Variants in RILPL1 observed in about 807,000 individuals in gnomAD.
The protein encoded by RILPL1 is Rab interacting lysosomal protein like 1, also known as RILP-like protein 1.
RILPL1 carries 33 observed loss-of-function variants against 50.3 expected under a neutral mutation model. The observed-to-expected ratio is 0.66, with a 90% CI of 0.50 to 0.88. RILPL1 has a LOEUF of 0.88. RILPL1 is among the 40% of genes least tolerant of loss of function. RILPL1 has a pLI of 0.00. For missense variants in RILPL1, 418 were observed against 542.5 expected (o/e 0.77, Z 2.28); for synonymous variants, 205 against 228.6 (o/e 0.90, Z 0.93).
chr12:123,528,933 G>T (rs906380765), intron 1 of RILPL1, among the ~76,000 whole-genome samples: 1 of 152,038 alleles, frequency 6.6e-6, no homozygotes, highest in South Asian at 2.1e-4. Context: ...TCTCCTTCAC[G>T]TTCTTCCCTC....
intron 2 of RILPL1, among the ~76,000 whole-genome samples, chr12:123,514,934 T>C (rs1383820677): frequency 8.7e-6 from 1 of 114,788 alleles, no homozygotes; most frequent in Non-Finnish European, 1.6e-5. Context: ...ACATAAATAC[T>C]TTTTTTTTTT....
chr12:123,480,301 C>T (rs1250248757), intron 6 of RILPL1, among the ~76,000 whole-genome samples: 1 of 151,634 alleles, frequency 6.6e-6, no homozygotes, highest in East Asian at 1.9e-4. Context: ...GCTGGGATTA[C>T]AGGTGCCCAC....
At chr12:123,519,972 G>C (rs1884935715) in intron 2 of RILPL1, 1 of 152,328 alleles carries the variant, frequency 6.6e-6, no homozygotes, top group Non-Finnish European at 1.5e-5. Flanking sequence ...GATGCACAGG[G>C]AAGCGGCTCA....
At chr12:123,512,766 G>A (rs573359652) in intron 2 of RILPL1, among the ~76,000 whole-genome samples, 30 of 142,682 alleles carry the variant, frequency 2.1e-4, no homozygotes, top group Admixed American at 3.5e-4. Context: ...TGGTATGTGT[G>A]AGGTCTGTGT....
intron 1 of RILPL1, among the ~76,000 whole-genome samples, chr12:123,532,703 T>TGGGGGGGG (rs371925078): frequency 4.2e-5 from 1 of 23,628 alleles, no homozygotes. Flanking sequence ...CTGGGGAGAC[T>TGGGGGGGG]GGGGGGGGGG....
At chr12:123,530,219 G>A (rs545195587) in intron 1 of RILPL1, among the ~76,000 whole-genome samples, 50 of 152,260 alleles carry the variant, frequency 3.3e-4, no homozygotes, top group South Asian at 2.7e-3. Context: ...AGGCTGGAGT[G>A]CAATGGTGTG....
intron 2 of RILPL1, among the ~76,000 whole-genome samples, chr12:123,501,452 AAAC>A (rs994203805): frequency 2.0e-5 from 3 of 151,650 alleles, no homozygotes; most frequent in Non-Finnish European, 2.9e-5. Flanking sequence ...CAAAACAAAC[AAAC>A]AAACAAACAA....
intron 2 of RILPL1, among the ~76,000 whole-genome samples, chr12:123,499,891 C>T (rs184296309): frequency 1.6e-4 from 25 of 152,240 alleles, no homozygotes; most frequent in African/African-American, 5.5e-4. Flanking sequence ...TCCCCCACAC[C>T]TCATTCATTC....
At chr12:123,494,605 G>A (rs1280921443) in intron 4 of RILPL1, among the ~76,000 whole-genome samples, 1 of 152,158 alleles carries the variant, frequency 6.6e-6, no homozygotes, top group Non-Finnish European at 1.5e-5. Context: ...GCTCCCGTGG[G>A]GCCTGAAGGT....
chr12:123,500,358 T>C (rs968829184), intron 2 of RILPL1, among the ~76,000 whole-genome samples: 1 of 150,822 alleles, frequency 6.6e-6, no homozygotes, highest in African/African-American at 2.4e-5. Context: ...ATCTTGGCTT[T>C]CTGCAACCTC....
intron 6 of RILPL1, among the ~76,000 whole-genome samples, chr12:123,476,736 T>C (rs1593529457): frequency 1.3e-5 from 2 of 152,282 alleles, no homozygotes; most frequent in East Asian, 1.9e-4. Context: ...ATCGTGGCCT[T>C]CTGGCCTCCG....
intron 3 of RILPL1, 102 bp downstream of exon 3, chr12:123,499,316 T>G: frequency 6.4e-6 from 5 of 776,444 alleles, no homozygotes; most frequent in South Asian, 1.5e-5. Flanking sequence ...GCCCCAAGAA[T>G]GAGAGTGAGG....
chr12:123,530,163 TTTG>T (rs928090067), intron 1 of RILPL1, among the ~76,000 whole-genome samples: 33 of 151,986 alleles, frequency 2.2e-4, no homozygotes, highest in Middle Eastern at 3.4e-3. Context: ...ACCTCACTGG[TTTG>T]TTGTTGTTGT....
At chr12:123,530,600 C>A (rs887455565) in intron 1 of RILPL1, among the ~76,000 whole-genome samples, 1 of 152,218 alleles carries the variant, frequency 6.6e-6, no homozygotes, top group African/African-American at 2.4e-5. Context: ...GTGCCCAGAA[C>A]AATGCATGGC....
At chr12:123,529,591 T>C (rs1885379372) in intron 1 of RILPL1, among the ~76,000 whole-genome samples, 1 of 152,028 alleles carries the variant, frequency 6.6e-6, no homozygotes. Context: ...TTTTTTTTTT[T>C]TTTTTAATCT....
intron 2 of RILPL1, among the ~76,000 whole-genome samples, chr12:123,507,544 G>A (rs1424289987): frequency 5.2e-5 from 7 of 134,764 alleles, no homozygotes; most frequent in Non-Finnish European, 9.4e-5. Context: ...AGCCTGGGTT[G>A]ACAGAATGAG....
At chr12:123,480,130 G>A (rs1881864877) in intron 6 of RILPL1, among the ~76,000 whole-genome samples, 1 of 150,822 alleles carries the variant, frequency 6.6e-6, no homozygotes, top group Admixed American at 6.6e-5. Flanking sequence ...CATTGGAAGT[G>A]AAAGTGAAGG....
intron 2 of RILPL1, among the ~76,000 whole-genome samples, chr12:123,503,756 C>T (rs569815051): frequency 6.6e-6 from 1 of 152,070 alleles, no homozygotes; most frequent in Non-Finnish European, 1.5e-5. Context: ...AATCCCAGCA[C>T]TTTAGGAGGC....
Position 123,472,352 on chromosome 12 carries a change from C to T in RILPL1, c.*186G>A. The T allele has an allele frequency of 1.7e-6, 1 of 594,514 alleles. No homozygotes were observed. Among genetic ancestry groups the T allele is most frequent in the Non-Finnish European group, 2.9e-6 (1 of 339,708 alleles). The allele number at this position is 594,514 out of a possible 1,614,324, so 36.8% of individuals were successfully genotyped here. ...AGTGATAGCCCTGGGTATAAATAAA[C>T]ATTTCTTTAGAGTTTGGCGTCAGTT... On this transcript the variant is annotated 3_prime_UTR_variant, in exon 7 of 7. Coordinates refer to ENST00000376874, the MANE Select transcript of RILPL1 (RefSeq NM_178314.5).
Sources: gnomAD v4.1 joint callset for allele counts (sites outside exome capture counted in the v4.1 genomes callset) on GRCh38, gnomAD v4.1.1 for gene constraint, MANE v1.5 for transcripts, NCBI Gene and HGNC (gene_info 2026-07-23, HGNC 2026-07-21) for gene names.